SUCLG2: variants seen among roughly 807,000 people sequenced by gnomAD.
SUCLG2 encodes the protein succinate-CoA ligase GDP-forming subunit beta.
Under a neutral mutation model 47.9 loss-of-function variants are expected in SUCLG2, and 42 were observed. The observed-to-expected ratio is 0.88, with a 90% CI of 0.69 to 1.14. The LOEUF is 1.14. SUCLG2 is among the 50% of genes most tolerant of loss of function. The pLI is 0.00. For synonymous variants in SUCLG2, 195 were observed against 197.3 expected (o/e 0.99, Z 0.10); for missense variants, 571 against 525.9 (o/e 1.09, Z -0.84).
intron 9 of SUCLG2, among the ~76,000 whole-genome samples, chr3:67,438,822 G>A (rs1254127748): frequency 1.3e-5 from 2 of 152,136 alleles, no homozygotes; most frequent in Non-Finnish European, 1.5e-5. Context: ...AGAGGAGCTG[G>A]TACCATTCCT....
chr3:67,572,957 A>G (rs1412395946), intron 2 of SUCLG2, among the ~76,000 whole-genome samples: 3 of 152,218 alleles, frequency 2.0e-5, no homozygotes, highest in Non-Finnish European at 4.4e-5. Context: ...GCATGAATAA[A>G]CAAGAAAAGG....
At chr3:67,400,655 T>C in intron 10 of SUCLG2, 76 bp downstream of exon 10, 1 of 1,571,080 alleles carries the variant, frequency 6.4e-7, no homozygotes, top group Non-Finnish European at 8.6e-7. Context: ...CTCAGGAAGT[T>C]TGTGAATCCA....
intron 2 of SUCLG2, among the ~76,000 whole-genome samples, chr3:67,545,858 A>G (rs1180613777): frequency 6.6e-6 from 1 of 152,156 alleles, no homozygotes; most frequent in Non-Finnish European, 1.5e-5. Flanking sequence ...CAGCAGCCAG[A>G]GAGATCCACA....
chr3:67,414,565 G>A (rs139508811), intron 9 of SUCLG2, among the ~76,000 whole-genome samples: 1 of 152,320 alleles, frequency 6.6e-6, no homozygotes, highest in African/African-American at 2.4e-5. Flanking sequence ...TGGGGCAGTT[G>A]CTACACAATC....
Position 67,368,097 on chromosome 3 carries a change from C to A in SUCLG2, c.1184-7329G>T, listed in dbSNP as rs113845519. 7.2e-5 allele frequency among the ~76,000 whole-genome samples: 11 copies of A among 152,142 alleles called. 1 individual carries two copies. The highest frequency in any genetic ancestry group is 2.4e-4 in the African/African-American group (10 of 41,514). On this transcript the variant is annotated intron_variant, in intron 10 of 10. Transcript: ENST00000493112. Reference sequence around the variant, plus strand: ...ATTCCCAATGTTTGATAAAAGTGTGCCTTTGGTTGGGTATGATATTCTTGG... The same window carrying A: ...ATTCCCAATGTTTGATAAAAGTGTGACTTTGGTTGGGTATGATATTCTTGG...
intron 2 of SUCLG2, among the ~76,000 whole-genome samples, chr3:67,593,139 TACC>T (rs1186561906): frequency 6.6e-6 from 1 of 152,234 alleles, no homozygotes; most frequent in African/African-American, 2.4e-5. Context: ...TAAAGATAGA[TACC>T]ACATTACATG....
intron 9 of SUCLG2, among the ~76,000 whole-genome samples, chr3:67,428,822 G>A (rs567617448): frequency 2.2e-4 from 34 of 152,280 alleles, no homozygotes; most frequent in African/African-American, 7.2e-4. Context: ...TTCAGTAGCC[G>A]ATTTGATCAA....
chr3:67,388,385 T>C lies in SUCLG2; in HGVS notation c.1183+12346A>G, dbSNP rs1702304597. Among the ~76,000 whole-genome samples the C allele has an allele frequency of 1.3e-5, 2 of 152,186 alleles. 1 individual carries two copies. Among genetic ancestry groups the C allele is most frequent in the Admixed American group, 1.3e-4 (2 of 15,272 alleles). The stretch of plus-strand genomic sequence containing the variant: ...CTTCCTCTTGTGGGAATTGGCATCT[T>C]GTGTGATAAACGTCCTCGGATAGAT... On this transcript the variant is annotated intron_variant, in intron 10 of 10. Transcript: ENST00000307227.
intron 2 of SUCLG2, 102 bp from the exon 3 acceptor site, chr3:67,529,288 G>T: frequency 1.2e-6 from 1 of 810,850 alleles, no homozygotes; most frequent in Non-Finnish European, 2.0e-6. Context: ...CAAGTAACTG[G>T]TAAAAGCTCT....
intron 2 of SUCLG2, among the ~76,000 whole-genome samples, chr3:67,544,791 G>C (rs1337186856): frequency 6.6e-6 from 1 of 152,076 alleles, no homozygotes; most frequent in Non-Finnish European, 1.5e-5. Context: ...AATCACTATA[G>C]CACCACTTCA....
intron 10 of SUCLG2, among the ~76,000 whole-genome samples, chr3:67,366,200 G>A (rs1281452584): frequency 6.6e-6 from 1 of 152,090 alleles, no homozygotes; most frequent in Non-Finnish European, 1.5e-5. Flanking sequence ...AGTGGCTCAC[G>A]CCTGTAATCC....
At chr3:67,438,284 A>C (rs984070886) in intron 9 of SUCLG2, among the ~76,000 whole-genome samples, 1 of 152,174 alleles carries the variant, frequency 6.6e-6, no homozygotes, top group Non-Finnish European at 1.5e-5. Context: ...AGCAAGAAAG[A>C]CCTAAAATCG....
At chr3:67,397,462 A>G (rs1289714441) in intron 10 of SUCLG2, among the ~76,000 whole-genome samples, 4 of 152,238 alleles carry the variant, frequency 2.6e-5, no homozygotes, top group Middle Eastern at 3.4e-3. Flanking sequence ...CAACTTACAA[A>G]GGGCGTGAAG....
intron 9 of SUCLG2, among the ~76,000 whole-genome samples, chr3:67,460,119 A>G (rs577208777): frequency 6.6e-6 from 1 of 152,320 alleles, no homozygotes; most frequent in South Asian, 2.1e-4. Flanking sequence ...AAGAAAAAAA[A>G]ATTGATATTG....
At chr3:67,400,026 T>A (rs1024380725) in intron 10 of SUCLG2, among the ~76,000 whole-genome samples, 27 of 151,728 alleles carry the variant, frequency 1.8e-4, no homozygotes, top group East Asian at 3.9e-4. Flanking sequence ...ACAAACAAAC[T>A]AACAAACAAA....
chr3:67,481,905 G>A (rs1472285498), intron 9 of SUCLG2, among the ~76,000 whole-genome samples: 6 of 152,298 alleles, frequency 3.9e-5, no homozygotes, highest in African/African-American at 9.6e-5. Context: ...TTGGCAGGGC[G>A]TGGTGGCTCA....
chr3:67,549,742 C>T (rs1015604585), intron 2 of SUCLG2, among the ~76,000 whole-genome samples: 1 of 152,080 alleles, frequency 6.6e-6, no homozygotes, highest in Non-Finnish European at 1.5e-5. Context: ...ATATATACCA[C>T]TAAATATATG....
chr3:67,369,088 G>T (rs1409472616), intron 10 of SUCLG2, among the ~76,000 whole-genome samples: 1 of 151,806 alleles, frequency 6.6e-6, no homozygotes, highest in African/African-American at 2.4e-5. Flanking sequence ...GTGATTTATT[G>T]GTCAGTTCTT....
Position 67,520,705 on chromosome 3 carries a change from T to C in SUCLG2, c.418-71A>G, listed in dbSNP as rs977690728. The C allele has an allele frequency of 1.5e-5, 23 of 1,514,700 alleles. No homozygotes were observed. In the African/African-American group the frequency reaches 2.9e-4, roughly 19 times the overall value. 93.8% of individuals were successfully genotyped at this position (1,514,700 alleles called of 1,614,324 possible). ...TTTCTACTTGGAAATCTATACAAAC[T>C]TGCTACACGAATCAAATGGCTTCAT... is the stretch of plus-strand genomic sequence containing the variant. On this transcript the variant is annotated intron_variant, in intron 4 of 10. Transcript: ENST00000307227.
Sources: gnomAD v4.1 joint callset for allele counts (sites outside exome capture counted in the v4.1 genomes callset) on GRCh38, gnomAD v4.1.1 for gene constraint, MANE v1.5 for transcripts, NCBI Gene and HGNC (gene_info 2026-07-23, HGNC 2026-07-21) for gene names.